NCOA7: variants seen among roughly 807,000 people sequenced by gnomAD.
The protein encoded by NCOA7 is 140 kDa estrogen receptor-associated protein.
In NCOA7, 45 loss-of-function variants were observed where a neutral mutation model predicts 104.3. The ratio of observed to expected loss-of-function variants is 0.43; its 90% CI spans 0.34 to 0.55. The LOEUF is 0.55. Ranked by LOEUF, NCOA7 falls within the 20% of genes least tolerant of loss-of-function variation. The pLI is 0.02. For missense variants in NCOA7, 1,041 were observed against 1,119.7 expected, an observed-to-expected ratio of 0.93 and a Z score of 1.00; for synonymous variants, 398 against 402.3, an observed-to-expected ratio of 0.99 and a Z score of 0.13.
intron 10 of NCOA7, among the ~76,000 whole-genome samples, chr6:125,907,136 AG>A (rs1226161310): frequency 1.3e-5 from 2 of 152,156 alleles, no homozygotes; most frequent in African/African-American, 4.8e-5. Context: ...GCATAGCATG[AG>A]GGCCCTGTCT....
chr6:125,846,430 T>C (rs1426859348), intron 2 of NCOA7, among the ~76,000 whole-genome samples: 1 of 151,760 alleles, frequency 6.6e-6, no homozygotes, highest in African/African-American at 2.4e-5. Flanking sequence ...AAGGGCAAAC[T>C]ATTAGAGCCA....
intron 10 of NCOA7, among the ~76,000 whole-genome samples, chr6:125,897,187 C>A (rs1428277548): frequency 6.6e-6 from 1 of 152,172 alleles, no homozygotes; most frequent in Non-Finnish European, 1.5e-5. Flanking sequence ...CAATTTGAGA[C>A]TAACAGTAGT....
chr6:125,893,478 A>C (rs11154334), intron 10 of NCOA7, among the ~76,000 whole-genome samples: 47,256 of 152,010 alleles, frequency 0.31, 8,982 homozygotes, highest in East Asian at 0.52. Context: ...TATTATTATT[A>C]CTACTAAAAA....
chr6:125,823,634 A>G (rs942523222), intron 2 of NCOA7, among the ~76,000 whole-genome samples: 1 of 152,206 alleles, frequency 6.6e-6, no homozygotes, highest in Non-Finnish European at 1.5e-5. Context: ...TTTTCAGGAA[A>G]TCATTAACTT....
At chr6:125,848,008 T>C (rs1780777405) in intron 2 of NCOA7, among the ~76,000 whole-genome samples, 1 of 152,184 alleles carries the variant, frequency 6.6e-6, no homozygotes, top group Non-Finnish European at 1.5e-5. Context: ...CAGACACTTC[T>C]CAAAAGAAGA....
chr6:125,841,523 G>T (rs967702929), intron 2 of NCOA7, among the ~76,000 whole-genome samples: 1 of 151,984 alleles, frequency 6.6e-6, no homozygotes, highest in Non-Finnish European at 1.5e-5. Flanking sequence ...GCCATTGTTG[G>T]ATTTTTTTTT....
At chr6:125,853,898 A>G (rs554103007) in intron 2 of NCOA7, among the ~76,000 whole-genome samples, 1 of 152,148 alleles carries the variant, frequency 6.6e-6, no homozygotes, top group South Asian at 2.1e-4. Context: ...TCAGGGAGGG[A>G]CCTCTCTAGC....
In NCOA7 at chr6:125,878,255, T is replaced by C; in HGVS notation, c.352-8T>C. The C allele has an allele frequency of 6.3e-7, 1 of 1,594,744 alleles. No individual in the cohort carries two copies. Among genetic ancestry groups the C allele is most frequent in the Non-Finnish European group, 8.5e-7 (1 of 1,171,486 alleles). On this transcript the variant is annotated splice_region_variant and splice_polypyrimidine_tract_variant and intron_variant, in intron 4 of 15. Coordinates refer to ENST00000392477, the MANE Select transcript of NCOA7 (RefSeq NM_181782.5). ...ATTTATTGACTCTTACCTGTTTGAT[T>C]ATTCTAGGCTGGAAACCAGGACACC...
At chr6:125,812,798 A>G (rs1404884305) in intron 1 of NCOA7, among the ~76,000 whole-genome samples, 1 of 152,122 alleles carries the variant, frequency 6.6e-6, no homozygotes, top group Non-Finnish European at 1.5e-5. Flanking sequence ...ATTGTACTAG[A>G]TCTTCGGTGC....
In NCOA7 at chr6:125,922,840, G is replaced by A; in HGVS notation, c.2523+6G>A. 2.5e-6 allele frequency: 4 copies of A among 1,612,316 alleles called. No homozygotes were observed. The highest frequency in any genetic ancestry group is 3.4e-6 in the Non-Finnish European group (4 of 1,179,116). On this transcript the variant is annotated splice_donor_region_variant and intron_variant, in intron 13 of 15. Coordinates refer to ENST00000392477, the MANE Select transcript of NCOA7 (RefSeq NM_181782.5). The stretch of plus-strand genomic sequence containing the variant: ...TCAAAGATATGGATAATCAGGTGAG[G>A]CCTGTCCCTCTCATAAAGAATATTT...
intron 1 of NCOA7, among the ~76,000 whole-genome samples, chr6:125,814,843 T>C (rs1456588008): frequency 1.3e-5 from 2 of 152,212 alleles, no homozygotes; most frequent in Non-Finnish European, 2.9e-5. Context: ...GCTGAAGTTA[T>C]TTTTATTTTT....
intron 1 of NCOA7, among the ~76,000 whole-genome samples, chr6:125,782,525 G>A (rs1236291541): frequency 6.6e-6 from 1 of 152,026 alleles, no homozygotes; most frequent in Non-Finnish European, 1.5e-5. Context: ...TACACTCTTG[G>A]ATTATACCTT....
Position 125,921,060 on chromosome 6 carries a change from A to G in NCOA7, c.2362A>G (p.Ile788Val), listed in dbSNP as rs1302858850. The change falls in exon 12 of 16, where the codon ATC becomes GTC. Residue 788 changes from isoleucine to valine, a missense_variant. Around this residue, in one of 2 missense-constraint regions of NCOA7, gnomAD observed 914 missense variants for 942.7 expected, o/e 0.97. Coordinates refer to ENST00000392477, the MANE Select transcript of NCOA7 (RefSeq NM_181782.5). ...PHSALLENMH[I>V]EQLARRLPAR... ...CAGCGCGCTCCTGGAGAATATGCAC[A>G]TCGAGCAGGTGGGCTCGCCCTGGCC... The G allele has an allele frequency of 4.3e-6, 7 of 1,612,996 alleles. No homozygotes were observed. Among genetic ancestry groups the G allele is most frequent in the Non-Finnish European group, 5.9e-6 (7 of 1,179,410 alleles).
intron 1 of NCOA7, chr6:125,802,457 A>G (rs1234525321): frequency 6.6e-6 from 1 of 152,156 alleles, no homozygotes; most frequent in Non-Finnish European, 1.5e-5. Context: ...GAAGAGGGAA[A>G]AGCAGCTACC....
At chr6:125,887,383 C>G (rs1784337815) in intron 8 of NCOA7, among the ~76,000 whole-genome samples, 1 of 152,156 alleles carries the variant, frequency 6.6e-6, no homozygotes, top group African/African-American at 2.4e-5. Context: ...TTTTTGACAT[C>G]TCCTGGGATG....
chr6:125,848,650 G>T (rs1250048034), intron 2 of NCOA7, among the ~76,000 whole-genome samples: 15 of 152,030 alleles, frequency 9.9e-5, no homozygotes, highest in Admixed American at 7.2e-4. Context: ...GAGCCTGTCG[G>T]GGGGTGGTGG....
chr6:125,890,040 T>G lies in NCOA7; in HGVS notation c.1927+59T>G, dbSNP rs534360035. 8.5e-6 allele frequency: 11 copies of G among 1,297,572 alleles called. No individual in the cohort carries two copies. In the East Asian group the frequency reaches 2.6e-4, roughly 31 times the overall value. The allele number at this position is 1,297,572 out of a possible 1,614,324, so 80.4% of individuals were successfully genotyped here. A position where few individuals can be genotyped will look rare whatever the true frequency, so the allele number is the denominator to read the frequency against. ...GTTGCATAATTGCCTTTCTACAATT[T>G]GCACATGTAATACCCACATTAGTAC... On this transcript the variant is annotated intron_variant, in intron 9 of 15. Coordinates refer to ENST00000392477, the MANE Select transcript of NCOA7 (RefSeq NM_181782.5).
intron 13 of NCOA7, among the ~76,000 whole-genome samples, chr6:125,924,309 T>A (rs1787835680): frequency 6.6e-6 from 1 of 152,232 alleles, no homozygotes; most frequent in South Asian, 2.1e-4. Context: ...AAACTTCCTG[T>A]GCGATTTGTA....
chr6:125,864,552 T>G (rs1782293193), intron 3 of NCOA7, among the ~76,000 whole-genome samples: 1 of 135,178 alleles, frequency 7.4e-6, no homozygotes, highest in Admixed American at 7.0e-5. Flanking sequence ...CTTCCCAACG[T>G]GATAGTATCA....
Sources: gnomAD v4.1 joint callset for allele counts (sites outside exome capture counted in the v4.1 genomes callset) on GRCh38, gnomAD v4.1.1 for gene constraint, gnomAD v4.1.1 regional missense constraint, MANE v1.5 for transcripts, NCBI Gene and HGNC (gene_info 2026-07-23, HGNC 2026-07-21) for gene names.